The following EBF2 variants were observed in gnomAD, a reference collection of about 807,000 sequenced individuals.
EBF2 encodes the protein EBF transcription factor 2.
EBF2 carries 21 observed loss-of-function variants against 72.8 expected under a neutral mutation model. The observed-to-expected ratio is 0.29, with a 90% CI of 0.20 to 0.42. EBF2 has a LOEUF of 0.42. Ranked by LOEUF, EBF2 falls within the 10% of genes least tolerant of loss-of-function variation. EBF2 has a pLI of 1.00. For synonymous variants in EBF2, 299 were observed against 274.2 expected, an observed-to-expected ratio of 1.09 and a Z score of -0.89; for missense variants, 637 against 731.2, an observed-to-expected ratio of 0.87 and a Z score of 1.49.
intron 6 of EBF2, among the ~76,000 whole-genome samples, chr8:25,938,136 T>C (rs987890434): frequency 6.6e-6 from 1 of 152,178 alleles, no homozygotes; most frequent in African/African-American, 2.4e-5. Flanking sequence ...AGGAGAATTT[T>C]TGACAGTTGA....
At chr8:25,972,243 G>T (rs887816175) in intron 6 of EBF2, among the ~76,000 whole-genome samples, 29 of 152,102 alleles carry the variant, frequency 1.9e-4, no homozygotes, top group Non-Finnish European at 2.9e-4. Context: ...CCCCTCCTTC[G>T]TAGACCCCGA....
At chr8:25,861,407 A>G (rs777887196) in intron 11 of EBF2, 33 bp from the exon 12 acceptor site, 23 of 1,611,742 alleles carry the variant, frequency 1.4e-5, no homozygotes, top group Non-Finnish European at 2.0e-5. Flanking sequence ...ATATTGTCAA[A>G]GGCAAAATCC....
At chr8:25,905,887 T>A (rs1376496319) in intron 7 of EBF2, among the ~76,000 whole-genome samples, 1 of 152,174 alleles carries the variant, frequency 6.6e-6, no homozygotes, top group Non-Finnish European at 1.5e-5. Flanking sequence ...ACTTTAGCTC[T>A]ACCCTTGAAA....
intron 6 of EBF2, among the ~76,000 whole-genome samples, chr8:26,018,542 G>A (rs1016216573): frequency 6.6e-6 from 1 of 150,554 alleles, no homozygotes; most frequent in South Asian, 2.1e-4. Flanking sequence ...GTGGTGTCAG[G>A]CGTCTATAGT....
chr8:25,889,917 T>C (rs1802750908), intron 7 of EBF2, 48 bp from the exon 8 acceptor site: 4 of 1,534,830 alleles, frequency 2.6e-6, no homozygotes, highest in Non-Finnish European at 3.6e-6. Flanking sequence ...TGGAATTAGT[T>C]TCACATGAAG....
rs993916991 is a variant in EBF2 at position 25,858,508 on chromosome 8, G to A, written c.1343-4C>T. On this transcript the variant is annotated splice_region_variant and splice_polypyrimidine_tract_variant and intron_variant, in intron 13 of 15. Transcript: ENST00000520164. The stretch of plus-strand genomic sequence containing the variant: ...CTGCTTGTGTTGCGGATGTACCCTT[G>A]GCAACAAAGAAAAAGCCCAGGTAAA... 27 of 1,612,278 alleles carry A rather than the reference G, an allele frequency of 1.7e-5. No individual in the cohort carries two copies. Among genetic ancestry groups the A allele is most frequent in the Non-Finnish European group, 2.1e-5 (25 of 1,179,456 alleles).
chr8:26,025,046 A>G (rs999098284), intron 6 of EBF2, among the ~76,000 whole-genome samples: 2 of 152,316 alleles, frequency 1.3e-5, no homozygotes, highest in South Asian at 4.1e-4. Flanking sequence ...ACAAGAACTA[A>G]TATCTTTGAG....
At chr8:25,975,964 G>A (rs772320596) in intron 6 of EBF2, among the ~76,000 whole-genome samples, 81 of 152,108 alleles carry the variant, frequency 5.3e-4, no homozygotes, top group Admixed American at 2.0e-4. Flanking sequence ...AAACTATGCT[G>A]CAATCTTAAT....
chr8:25,892,250 C>T (rs896506426), intron 7 of EBF2, among the ~76,000 whole-genome samples: 2 of 151,998 alleles, frequency 1.3e-5, no homozygotes, highest in African/African-American at 4.8e-5. Context: ...ATAAATGTGG[C>T]TTCTCTTTTT....
At chr8:26,028,355 A>G (rs1298845514) in intron 6 of EBF2, among the ~76,000 whole-genome samples, 1 of 152,212 alleles carries the variant, frequency 6.6e-6, no homozygotes, top group African/African-American at 2.4e-5. Flanking sequence ...TCCAGGGACA[A>G]AAGACTGGGA....
At chr8:25,896,746 C>T (rs539873718) in intron 7 of EBF2, among the ~76,000 whole-genome samples, 6 of 152,314 alleles carry the variant, frequency 3.9e-5, no homozygotes, top group South Asian at 2.1e-4. Flanking sequence ...GAGAAATACA[C>T]GTCGGGTTTT....
chr8:26,036,073 A>C (rs1025205897), intron 5 of EBF2, among the ~76,000 whole-genome samples: 43 of 152,258 alleles, frequency 2.8e-4, no homozygotes, highest in African/African-American at 1.0e-3. Flanking sequence ...CCTAACCCCA[A>C]ATATGTGTGC....
chr8:25,877,530 T>C (rs1802543110), intron 10 of EBF2, among the ~76,000 whole-genome samples: 1 of 152,150 alleles, frequency 6.6e-6, no homozygotes, highest in Admixed American at 6.5e-5. Flanking sequence ...AGAGCCCCGA[T>C]GTTGTTTGTG....
chr8:25,940,140 G>A (rs554644148), intron 6 of EBF2, among the ~76,000 whole-genome samples: 1 of 152,284 alleles, frequency 6.6e-6, no homozygotes, highest in African/African-American at 2.4e-5. Context: ...TAGACTATTA[G>A]AACTGGAAGA....
At chr8:26,034,292 T>A (rs1321400899) in intron 5 of EBF2, among the ~76,000 whole-genome samples, 2 of 152,200 alleles carry the variant, frequency 1.3e-5, no homozygotes, top group Non-Finnish European at 2.9e-5. Context: ...GTAGCTCCAA[T>A]AATTTTTACC....
chr8:25,868,185 T>A (rs188125108), intron 10 of EBF2, among the ~76,000 whole-genome samples: 23 of 152,352 alleles, frequency 1.5e-4, no homozygotes, highest in African/African-American at 5.3e-4. Context: ...TCTTAAAATT[T>A]CTAGGTAATT....
At chr8:26,017,814 C>T (rs180892688) in intron 6 of EBF2, among the ~76,000 whole-genome samples, 4 of 152,306 alleles carry the variant, frequency 2.6e-5, no homozygotes, top group African/African-American at 9.6e-5. Flanking sequence ...TCTCTTTTGG[C>T]ACCTAGAGCT....
chr8:25,932,268 C>G (rs1803497438), intron 6 of EBF2, among the ~76,000 whole-genome samples: 2 of 151,858 alleles, frequency 1.3e-5, no homozygotes, highest in South Asian at 4.1e-4. Flanking sequence ...TAGGACCCCT[C>G]CATTCTAAAT....
chr8:26,018,260 G>C (rs556254768), intron 6 of EBF2, among the ~76,000 whole-genome samples: 1 of 151,638 alleles, frequency 6.6e-6, no homozygotes, highest in East Asian at 2.0e-4. Flanking sequence ...ATGGGAGCCA[G>C]AGGGAGGAGA....
Sources: gnomAD v4.1 joint callset for allele counts (sites outside exome capture counted in the v4.1 genomes callset) on GRCh38, gnomAD v4.1.1 for gene constraint, MANE v1.5 for transcripts, NCBI Gene and HGNC (gene_info 2026-07-23, HGNC 2026-07-21) for gene names.